LRRC7: variants seen among roughly 807,000 people sequenced by gnomAD.
The protein encoded by LRRC7 is leucine rich repeat containing 7.
Under a neutral mutation model 175.7 loss-of-function variants are expected in LRRC7, and 23 were observed. The ratio of observed to expected loss-of-function variants is 0.13; its 90% CI spans 0.09 to 0.19. LRRC7 has a LOEUF of 0.19. Among genes scored for constraint, LRRC7 ranks in the 10% least tolerant of loss-of-function variants. The pLI, the probability that LRRC7 is intolerant of heterozygous loss-of-function variation, is 1.00. For missense variants in LRRC7, 1,354 were observed against 1,904.7 expected (o/e 0.71, Z 5.38); for synonymous variants, 685 against 680.9 (o/e 1.01, Z -0.09).
At chr1:69,823,842 C>G (rs1294940306) in intron 4 of LRRC7, among the ~76,000 whole-genome samples, 1 of 151,972 alleles carries the variant, frequency 6.6e-6, no homozygotes, top group African/African-American at 2.4e-5. Context: ...ATGATAAAAC[C>G]ATTCATATAA....
intron 5 of LRRC7, among the ~76,000 whole-genome samples, chr1:69,830,250 A>G (rs1039384180): frequency 9.2e-5 from 14 of 151,840 alleles, no homozygotes; most frequent in African/African-American, 3.4e-4. Flanking sequence ...AAATTACAGT[A>G]CATCTATGGG....
In LRRC7 at chr1:70,128,953, GA is replaced by G. The variant is rs1410080547; in HGVS notation, c.*7067del. On this transcript the variant is annotated 3_prime_UTR_variant, in exon 27 of 27. Transcript: ENST00000651989. ...GTGACCTTCACACAGCTCACATAAA[GA>G]GTGTCACGAAGCCGGGTGCGGTGAC... Among the ~76,000 whole-genome samples, 1 of 152,116 alleles carries G rather than the reference GA, an allele frequency of 6.6e-6. No homozygotes were observed. Among genetic ancestry groups the G allele is most frequent in the African/African-American group, 2.4e-5 (1 of 41,432 alleles).
At chr1:69,715,656 C>G (rs897232587) in intron 2 of LRRC7, among the ~76,000 whole-genome samples, 1 of 151,672 alleles carries the variant, frequency 6.6e-6, no homozygotes, top group African/African-American at 2.4e-5. Flanking sequence ...CTGGGAATAA[C>G]CAAATCAGTG....
At chr1:69,999,677 G>T (rs1570965557) in intron 11 of LRRC7, among the ~76,000 whole-genome samples, 1 of 152,146 alleles carries the variant, frequency 6.6e-6, no homozygotes, top group Non-Finnish European at 1.5e-5. Flanking sequence ...TGACACTTCT[G>T]ATTCTGTCAG....
chr1:70,072,456 C>G (rs571941135), intron 23 of LRRC7, among the ~76,000 whole-genome samples: 17 of 152,300 alleles, frequency 1.1e-4, no homozygotes, highest in Non-Finnish European at 1.9e-4. Flanking sequence ...TATTGTCCCT[C>G]TAGATGTCTT....
chr1:69,867,181 C>A (rs916434576), intron 7 of LRRC7, among the ~76,000 whole-genome samples: 1 of 152,052 alleles, frequency 6.6e-6, no homozygotes, highest in Admixed American at 6.5e-5. Context: ...CTACATTGAA[C>A]CTTTAGTGAA....
chr1:69,756,726 T>A (rs918387466), intron 2 of LRRC7, among the ~76,000 whole-genome samples: 4 of 151,836 alleles, frequency 2.6e-5, no homozygotes, highest in Non-Finnish European at 5.9e-5. Context: ...TGAACAGACA[T>A]TATGCTCCAC....
chr1:69,863,464 G>A (rs769312140), intron 7 of LRRC7, among the ~76,000 whole-genome samples: 1 of 152,086 alleles, frequency 6.6e-6, no homozygotes, highest in Non-Finnish European at 1.5e-5. Context: ...CCAGTGCATG[G>A]TATGCATTAA....
chr1:69,971,299 A>G (rs1438870697), intron 8 of LRRC7, among the ~76,000 whole-genome samples: 1 of 152,166 alleles, frequency 6.6e-6, no homozygotes, highest in Non-Finnish European at 1.5e-5. Context: ...AGAAAGAAAT[A>G]AAGGGCATCC....
intron 23 of LRRC7, among the ~76,000 whole-genome samples, chr1:70,067,477 T>A (rs1233370483): frequency 6.6e-6 from 1 of 152,126 alleles, no homozygotes; most frequent in Admixed American, 6.6e-5. Flanking sequence ...TCTATTTCAT[T>A]AGTCTATGTG....
chr1:70,025,215 A>G (rs1408349939), intron 17 of LRRC7, among the ~76,000 whole-genome samples: 4 of 151,018 alleles, frequency 2.6e-5, no homozygotes, highest in Non-Finnish European at 5.9e-5. Context: ...AGATTTTATT[A>G]TAATGATTAA....
chr1:70,067,908 C>T (rs563883779), intron 23 of LRRC7, among the ~76,000 whole-genome samples: 64 of 152,032 alleles, frequency 4.2e-4, no homozygotes, highest in African/African-American at 1.5e-3. Context: ...TTTTGGTGTC[C>T]ATGTGTTCAT....
chr1:69,573,324 G>A (rs1202120726), intron 1 of LRRC7, among the ~76,000 whole-genome samples: 2 of 152,140 alleles, frequency 1.3e-5, no homozygotes, highest in Non-Finnish European at 2.9e-5. Context: ...ACTTAAATCT[G>A]TAGATTATGG....
chr1:69,728,117 CTT>C (rs1667177707), intron 2 of LRRC7, among the ~76,000 whole-genome samples: 2 of 151,978 alleles, frequency 1.3e-5, no homozygotes, highest in African/African-American at 4.8e-5. Context: ...ATTTATTTCT[CTT>C]TTTAATGTAT....
rs74718686 is a variant in LRRC7, at chr1:69,956,329, C to T, written c.712-24050C>T. Among the ~76,000 whole-genome samples the T allele has an allele frequency of 4.2e-3, 633 of 151,962 alleles. 3 individuals carry two copies. Among genetic ancestry groups the T allele is most frequent in the African/African-American group, 0.014 (585 of 41,496 alleles). On this transcript the variant is annotated intron_variant, in intron 8 of 26. Transcript: ENST00000651989. ...TAGTAATATTGAGTTTCCCTCTTCT[C>T]CACACCCACACTCATATATCCCATA... is the stretch of plus-strand genomic sequence containing the variant.
intron 17 of LRRC7, among the ~76,000 whole-genome samples, chr1:70,026,106 A>G (rs537681648): frequency 5.3e-5 from 8 of 152,192 alleles, no homozygotes; most frequent in Non-Finnish European, 7.4e-5. Flanking sequence ...CATCTAACAA[A>G]AAATACATTA....
At position 70,038,683 on chromosome 1, in the gene LRRC7, C is replaced by T. The variant is rs548634185; in HGVS notation, c.2859C>T (p.Arg953=). 1 of 1,614,100 alleles carries T rather than the reference C, an allele frequency of 6.2e-7. No individual in the cohort carries two copies. Among genetic ancestry groups the T allele is most frequent in the African/African-American group, 1.3e-5 (1 of 75,018 alleles). ...LSNVFSQIHC[R]PESSKGVISI... ...ATGTCTTTTCTCAAATCCACTGCCG[C>T]CCGGAATCTTCTAAAGGTGTTATTT... Residue 953 remains arginine, a synonymous_variant, in exon 21 of 27, where the codon CGC becomes CGT. Transcript: ENST00000651989.
chr1:69,887,808 C>T (rs1645690689), intron 7 of LRRC7, among the ~76,000 whole-genome samples: 1 of 146,934 alleles, frequency 6.8e-6, no homozygotes, highest in Admixed American at 6.8e-5. Flanking sequence ...TGTGGATGTC[C>T]TTTCTGTTTG....
chr1:69,953,629 C>A (rs1324292211), intron 8 of LRRC7, among the ~76,000 whole-genome samples: 1 of 151,990 alleles, frequency 6.6e-6, no homozygotes, highest in Non-Finnish European at 1.5e-5. Context: ...ATCTCACAGG[C>A]CTTTTCATTT....
Sources: allele counts gnomAD v4.1 joint callset (sites outside exome capture counted in the v4.1 genomes callset), GRCh38; gene constraint gnomAD v4.1.1; transcripts MANE v1.5; gene names NCBI Gene and HGNC (gene_info 2026-07-23, HGNC 2026-07-21).